ASIP: variants seen among roughly 807,000 people sequenced by gnomAD.
ASIP encodes the protein agouti signaling protein.
ASIP carries 11 observed loss-of-function variants against 10.3 expected under a neutral mutation model. That is an observed-to-expected ratio of 1.07 (90% confidence interval 0.68 to 1.78). The LOEUF is 1.78. Ranked by LOEUF, ASIP falls within the 40% of genes most tolerant of loss-of-function variation. The pLI is 0.00. For missense variants in ASIP, 180 were observed against 169.2 expected, an observed-to-expected ratio of 1.06 and a Z score of -0.35; for synonymous variants, 70 against 70.8, an observed-to-expected ratio of 0.99 and a Z score of 0.06.
intron 1 of ASIP, among the ~76,000 whole-genome samples, chr20:34,251,282 T>G (rs1326168212): frequency 6.6e-6 from 1 of 152,076 alleles, no homozygotes; most frequent in African/African-American, 2.4e-5. Context: ...TAACTTTTTT[T>G]TTTTTTGAGA....
intron 1 of ASIP, among the ~76,000 whole-genome samples, chr20:34,236,070 GAA>G (rs1348682613): frequency 2.1e-5 from 3 of 139,596 alleles, no homozygotes; most frequent in Non-Finnish European, 4.6e-5. Context: ...GAGAGAGAAA[GAA>G]AGAGAAAGAG....
chr20:34,263,890 C>T (rs1372147053), intron 3 of ASIP, among the ~76,000 whole-genome samples: 2 of 151,740 alleles, frequency 1.3e-5, no homozygotes, highest in Non-Finnish European at 2.9e-5. Context: ...AGGCTGGTCT[C>T]GAACTCCTGA....
chr20:34,209,597 T>C (rs1033246353), intron 1 of ASIP, among the ~76,000 whole-genome samples: 1 of 152,114 alleles, frequency 6.6e-6, no homozygotes, highest in Non-Finnish European at 1.5e-5. Context: ...CACTCCAATC[T>C]TGGAGTAAGG....
intron 1 of ASIP, among the ~76,000 whole-genome samples, chr20:34,253,031 T>C (rs1254449313): frequency 1.3e-5 from 2 of 152,232 alleles, no homozygotes; most frequent in Non-Finnish European, 2.9e-5. Flanking sequence ...ACAATTTTTC[T>C]TAGTACAGAT....
chr20:34,220,076 C>T (rs1328104911), intron 1 of ASIP, among the ~76,000 whole-genome samples: 4 of 150,820 alleles, frequency 2.7e-5, no homozygotes, highest in East Asian at 2.0e-4. Context: ...GGCGACAGAG[C>T]GAGACTCCAT....
intron 1 of ASIP, among the ~76,000 whole-genome samples, chr20:34,257,405 TG>T (rs1205115115): frequency 6.6e-6 from 1 of 152,206 alleles, no homozygotes; most frequent in African/African-American, 2.4e-5. Flanking sequence ...ATTTCTAATT[TG>T]CCTTCCTAAT....
intron 1 of ASIP, among the ~76,000 whole-genome samples, chr20:34,258,971 G>T (rs566889083): frequency 6.9e-6 from 1 of 145,508 alleles, no homozygotes; most frequent in South Asian, 2.1e-4. Flanking sequence ...GGGAGGCTTA[G>T]GTGGGAGGAT....
intron 1 of ASIP, among the ~76,000 whole-genome samples, chr20:34,207,767 CATTTATTTATTTATTT>C (rs147074537): frequency 1.4e-4 from 21 of 149,316 alleles, no homozygotes; most frequent in Admixed American, 3.3e-4. Context: ...TTTCCAGCAC[CATTTATTTATTTATTT>C]ATTTATTTAT....
At chr20:34,258,762 T>TA (rs2035631505) in intron 1 of ASIP, among the ~76,000 whole-genome samples, 3 of 99,936 alleles carry the variant, frequency 3.0e-5, no homozygotes, top group Non-Finnish European at 3.9e-5. Context: ...TAATATATGA[T>TA]ATATATAATA....
At chr20:34,234,875 G>A (rs749588438) in intron 1 of ASIP, 3 of 152,088 alleles carry the variant, frequency 2.0e-5, no homozygotes, top group Non-Finnish European at 4.4e-5. Flanking sequence ...TATACCCACA[G>A]TATCCTCATA....
intron 1 of ASIP, among the ~76,000 whole-genome samples, chr20:34,209,124 G>A (rs1047898666): frequency 3.3e-5 from 5 of 152,196 alleles, no homozygotes; most frequent in African/African-American, 9.7e-5. Flanking sequence ...TAGTTGCTCT[G>A]GCTAGGACTT....
intron 3 of ASIP, among the ~76,000 whole-genome samples, chr20:34,265,650 A>C (rs2035771184): frequency 6.6e-6 from 1 of 152,040 alleles, no homozygotes; most frequent in Non-Finnish European, 1.5e-5. Context: ...GAAGGTAACT[A>C]TAAAAATAAG....
intron 1 of ASIP, chr20:34,246,031 T>C: frequency 2.1e-6 from 2 of 966,490 alleles, no homozygotes; most frequent in Non-Finnish European, 3.3e-6. Flanking sequence ...ATGAATTATG[T>C]CATCTGTAAA....
rs183745463 is a variant in ASIP at position 34,245,146 on chromosome 20, A to T, written c.-11+3657A>T. The stretch of plus-strand genomic sequence containing the variant: ...GTCAGGAGTTCGAGACCAGCCTGGC[A>T]AACATGATGAAACCCCGTCGCTACT... On this transcript the variant is annotated intron_variant, in intron 1 of 3. Coordinates refer to ENST00000374954, the MANE Select transcript of ASIP (RefSeq NM_001672.3). Among the ~76,000 whole-genome samples the T allele has an allele frequency of 1.9e-3, 293 of 151,782 alleles. 2 individuals are homozygous for T. Among genetic ancestry groups the T allele is most frequent in the Non-Finnish European group, 2.8e-3 (190 of 67,922 alleles).
At chr20:34,263,135 A>G (rs1226026681) in intron 3 of ASIP, among the ~76,000 whole-genome samples, 1 of 152,250 alleles carries the variant, frequency 6.6e-6, no homozygotes, top group Non-Finnish European at 1.5e-5. Flanking sequence ...TCTACTAGTT[A>G]GCCCCTGCCT....
At chr20:34,214,793 T>C in intron 1 of ASIP, 2 of 1,525,242 alleles carry the variant, frequency 1.3e-6, no homozygotes, top group African/African-American at 2.7e-5. Context: ...GTAAGCTGTT[T>C]CAAAATATGA....
At chr20:34,227,419 T>A (rs1335007865) in intron 1 of ASIP, among the ~76,000 whole-genome samples, 1 of 151,930 alleles carries the variant, frequency 6.6e-6, no homozygotes. Context: ...GATCACGAGG[T>A]CAAGAGATCG....
upstream of ASIP, among the ~76,000 whole-genome samples, chr20:34,189,715 G>A (rs2034813890): frequency 6.6e-6 from 1 of 152,132 alleles, no homozygotes; most frequent in African/African-American, 2.4e-5. Flanking sequence ...AAGGAAGTGG[G>A]GACTCTACCA....
Position 34,258,694 on chromosome 20 carries a change from T to C in ASIP, c.-10-1671T>C, listed in dbSNP as rs55720624. 6.7e-3 allele frequency among the ~76,000 whole-genome samples: 248 copies of C among 37,058 alleles called. 35 individuals carry two copies. Among genetic ancestry groups the C allele is most frequent in the African/African-American group, 0.049 (237 of 4,846 alleles). The allele number at this position is 37,058 out of a possible 152,430, so 24.3% of individuals were successfully genotyped here. ...GATGCCATATATATATATATATACATACTATATATATATATTATATATATT... is the reference window on the plus strand; with the variant it reads ...GATGCCATATATATATATATATACACACTATATATATATATTATATATATT... On this transcript the variant is annotated intron_variant, in intron 1 of 3. Coordinates refer to ENST00000374954, the MANE Select transcript of ASIP (RefSeq NM_001672.3).
Sources: gnomAD v4.1 joint callset for allele counts (sites outside exome capture counted in the v4.1 genomes callset) on GRCh38, gnomAD v4.1.1 for gene constraint, MANE v1.5 for transcripts, NCBI Gene and HGNC (gene_info 2026-07-23, HGNC 2026-07-21) for gene names.